Variants in RYR2 observed in about 807,000 individuals in gnomAD.
RYR2 encodes cardiac muscle ryanodine receptor-calcium release channel.
In RYR2, 227 loss-of-function variants were observed where a neutral mutation model predicts 601.1. The observed-to-expected ratio is 0.38, with a 90% confidence interval of 0.34 to 0.42. The LOEUF is 0.42. RYR2 is among the 10% of genes least tolerant of loss of function. The probability of loss-of-function intolerance (pLI) is 1.00; values close to 1 mark genes in which losing one functional copy is unlikely to be tolerated. For missense variants in RYR2, 4,646 were observed against 6,156.5 expected (o/e 0.75, Z 8.21); for synonymous variants, 2,223 against 2,175.1 (o/e 1.02, Z -0.61).
At chr1:237,469,209 T>G (rs1003530874) in intron 17 of RYR2, 22 bp downstream of exon 17, 1 of 1,513,072 alleles carries the variant, frequency 6.6e-7, no homozygotes, top group Non-Finnish European at 9.1e-7. Context: ...AGTTTTTTCC[T>G]TGTTGTGATA....
rs142039319 is a variant in RYR2 at position 237,269,698 on chromosome 1, A to G, written c.49-799A>G. ...GGTGCTTTATCGGATTTACTTCGTC[A>G]TTTTAGAAATTCAGTACTTTGCCTC... On this transcript the variant is annotated intron_variant, in intron 1 of 104. Transcript: ENST00000366574. 8.2e-4 allele frequency among the ~76,000 whole-genome samples: 125 copies of G among 152,218 alleles called. 1 individual carries two copies. Among genetic ancestry groups the G allele is most frequent in the African/African-American group, 2.8e-3 (118 of 41,520 alleles).
Position 237,042,519 on chromosome 1 carries a change from A to C in RYR2, c.-3A>C. 1.6e-6 allele frequency: 2 copies of C among 1,251,476 alleles called. No individual in the cohort carries two copies. The highest frequency in any genetic ancestry group is 2.0e-6 in the Non-Finnish European group (2 of 989,560). The allele number at this position is 1,251,476 out of a possible 1,614,324, so 77.5% of individuals were successfully genotyped here. A position where few individuals can be genotyped will look rare whatever the true frequency, so the allele number is the denominator to read the frequency against. On this transcript the variant is annotated 5_prime_UTR_variant, in exon 1 of 105. Coordinates refer to ENST00000366574, the MANE Select transcript of RYR2 (RefSeq NM_001035.3). Reference sequence around the variant, plus strand: ...GCCGGCCCCGGCGAGGAGGCGCGGAACCATGGCCGATGGGGGCGAGGGCGA... The same window carrying C: ...GCCGGCCCCGGCGAGGAGGCGCGGACCCATGGCCGATGGGGGCGAGGGCGA...
intron 12 of RYR2, among the ~76,000 whole-genome samples, chr1:237,439,457 C>A (rs1429217305): frequency 6.6e-6 from 1 of 151,956 alleles, no homozygotes; most frequent in African/African-American, 2.4e-5. Context: ...CTAGCCTCAC[C>A]AACATGGTGC....
chr1:237,512,505 G>A (rs2147776009), intron 24 of RYR2, among the ~76,000 whole-genome samples: 1 of 152,298 alleles, frequency 6.6e-6, no homozygotes, highest in East Asian at 1.9e-4. Context: ...CACCATAGCA[G>A]CCTGTTTTCA....
intron 2 of RYR2, among the ~76,000 whole-genome samples, chr1:237,296,832 T>A (rs976132148): frequency 1.3e-5 from 2 of 152,226 alleles, no homozygotes; most frequent in African/African-American, 2.4e-5. Context: ...AGACACTTTT[T>A]TGAGTCTTCT....
intron 73 of RYR2, among the ~76,000 whole-genome samples, chr1:237,719,353 T>G (rs750053759): frequency 1.3e-5 from 2 of 152,196 alleles, no homozygotes; most frequent in Non-Finnish European, 2.9e-5. Context: ...TGCTTTACTA[T>G]ATAGAAATAT....
chr1:237,232,011 T>A lies in RYR2; in HGVS notation c.49-38486T>A, dbSNP rs149380315. Among the ~76,000 whole-genome samples the A allele has an allele frequency of 5.3e-5, 8 of 152,342 alleles. No homozygotes were observed. In the East Asian group the frequency reaches 1.5e-3, roughly 29 times the overall value. ...TATTCTTTAGCGTTTTTCTAGTGAA[T>A]TAATTTTAGGTAGCAACTTCCTTAT... On this transcript the variant is annotated intron_variant, in intron 1 of 104. Coordinates refer to ENST00000366574, the MANE Select transcript of RYR2 (RefSeq NM_001035.3).
At chr1:237,485,161 A>G (rs577961832) in intron 17 of RYR2, among the ~76,000 whole-genome samples, 1 of 152,360 alleles carries the variant, frequency 6.6e-6, no homozygotes, top group East Asian at 1.9e-4. Context: ...TTCTACATTT[A>G]AAATAATAAC....
At chr1:237,705,781 A>G (rs944227322) in intron 67 of RYR2, among the ~76,000 whole-genome samples, 14 of 152,214 alleles carry the variant, frequency 9.2e-5, no homozygotes, top group African/African-American at 3.1e-4. Context: ...ATTTAGATCC[A>G]TCGTGTTTTA....
intron 3 of RYR2, among the ~76,000 whole-genome samples, chr1:237,341,254 C>T (rs1464258779): frequency 6.6e-6 from 1 of 152,110 alleles, no homozygotes; most frequent in Non-Finnish European, 1.5e-5. Context: ...AAATAAATGA[C>T]ATGGCATATT....
intron 1 of RYR2, among the ~76,000 whole-genome samples, chr1:237,125,959 G>C (rs573092451): frequency 6.6e-6 from 1 of 152,302 alleles, no homozygotes; most frequent in South Asian, 2.1e-4. Flanking sequence ...AACTGAGGCC[G>C]GGCACAGTGG....
At chr1:237,354,446 A>G (rs1309835048) in intron 3 of RYR2, among the ~76,000 whole-genome samples, 2 of 151,944 alleles carry the variant, frequency 1.3e-5, no homozygotes, top group African/African-American at 4.8e-5. Flanking sequence ...AGCACTAAAA[A>G]TATGCACTAA....
intron 35 of RYR2, among the ~76,000 whole-genome samples, chr1:237,603,752 CAAAG>C (rs1676780207): frequency 6.6e-6 from 1 of 151,582 alleles, no homozygotes; most frequent in Admixed American, 6.6e-5. Context: ...AAATGGAAAA[CAAAG>C]GCAGGGATTG....
intron 80 of RYR2, among the ~76,000 whole-genome samples, chr1:237,749,507 A>AC: frequency 6.6e-6 from 1 of 152,078 alleles, no homozygotes; most frequent in East Asian, 1.9e-4. Flanking sequence ...CCATAGATAA[A>AC]CTTTTACAGT....
In RYR2 at chr1:237,812,101, C is replaced by A. The variant is rs78899177; in HGVS notation, c.14433+3066C>A. The stretch of plus-strand genomic sequence containing the variant: ...GTAGTCTCCTACCAACTTTCTGCTG[C>A]AGGTTGGCACTGCTATCATTCCCAT... On this transcript the variant is annotated intron_variant, in intron 100 of 104. Transcript: ENST00000366574. Among the ~76,000 whole-genome samples the A allele has an allele frequency of 4.2e-3, 640 of 152,152 alleles. 4 individuals are homozygous for A. In the East Asian group the frequency reaches 0.049, roughly 12 times the overall value.
intron 80 of RYR2, 145 bp from the exon 81 acceptor site, chr1:237,756,143 T>G: frequency 1.9e-6 from 1 of 534,730 alleles, no homozygotes. Context: ...GTTAATAATA[T>G]CTGTTGAAGA....
chr1:237,290,721 T>C lies in RYR2; in HGVS notation c.168+20105T>C, dbSNP rs560402231. 2.6e-5 allele frequency among the ~76,000 whole-genome samples: 4 copies of C among 152,302 alleles called. No homozygotes were observed. The East Asian group carries it at 5.8e-4, about 22-fold the overall frequency. On this transcript the variant is annotated intron_variant, in intron 2 of 104. Transcript: ENST00000366574. ...ATACAAACCTCAGATTGGGAGAAGA[T>C]ATTTTCAACATGTAAATATAAGTGG...
chr1:237,758,092 T>A (rs533139105), intron 82 of RYR2, among the ~76,000 whole-genome samples: 1 of 152,318 alleles, frequency 6.6e-6, no homozygotes, highest in East Asian at 1.9e-4. Context: ...TTATGGAACC[T>A]GGCAGGGGTA....
At chr1:237,423,288 C>A (rs760606084) in intron 12 of RYR2, 40 bp downstream of exon 12, 1 of 1,589,390 alleles carries the variant, frequency 6.3e-7, no homozygotes, top group Non-Finnish European at 8.6e-7. Flanking sequence ...TAAATGTTAC[C>A]CGGTCATATT....
Sources: gnomAD v4.1 joint callset for allele counts (sites outside exome capture counted in the v4.1 genomes callset) on GRCh38, gnomAD v4.1.1 for gene constraint, MANE v1.5 for transcripts, NCBI Gene and HGNC (gene_info 2026-07-23, HGNC 2026-07-21) for gene names.